Variants in SEC24D observed in about 807,000 individuals in gnomAD.
SEC24D encodes SEC24 homolog D, COPII component.
SEC24D carries 69 observed loss-of-function variants against 116.9 expected under a neutral mutation model. That is an observed-to-expected ratio of 0.59 (90% confidence interval 0.49 to 0.72). SEC24D has a LOEUF of 0.72. Among genes scored for constraint, SEC24D ranks in the 30% least tolerant of loss-of-function variants. SEC24D has a pLI of 0.00. For synonymous variants in SEC24D, 405 were observed against 442.8 expected (o/e 0.91, Z 1.07); for missense variants, 1,131 against 1,264.1 (o/e 0.89, Z 1.60).
At chr4:118,742,280 A>T (rs1726258360) in intron 15 of SEC24D, among the ~76,000 whole-genome samples, 1 of 151,654 alleles carries the variant, frequency 6.6e-6, no homozygotes, top group South Asian at 2.1e-4. Context: ...CATGTAGATG[A>T]TCACACCAGT....
intron 8 of SEC24D, among the ~76,000 whole-genome samples, chr4:118,793,323 C>A (rs1004762995): frequency 6.6e-6 from 1 of 151,366 alleles, no homozygotes; most frequent in Non-Finnish European, 1.5e-5. Context: ...AAAAATTAGC[C>A]GGGCGTAGTG....
In SEC24D at chr4:118,761,057, C is replaced by A. The variant is rs1355845055; in HGVS notation, c.1297-3212G>T. ...AATTTTCGGGGGAATTATCGTACTACCCTCATTTTCTCATAGTTGGACAAC... is the reference window on the plus strand; with the variant it reads ...AATTTTCGGGGGAATTATCGTACTAACCTCATTTTCTCATAGTTGGACAAC... On this transcript the variant is annotated intron_variant, in intron 10 of 22. Coordinates refer to ENST00000280551, the MANE Select transcript of SEC24D (RefSeq NM_014822.4). Among the ~76,000 whole-genome samples the A allele has an allele frequency of 2.6e-5, 4 of 151,982 alleles. No individual in the cohort carries two copies. The East Asian group carries it at 5.8e-4, about 22-fold the overall frequency.
At chr4:118,746,823 A>G (rs1726562294) in intron 13 of SEC24D, among the ~76,000 whole-genome samples, 2 of 152,166 alleles carry the variant, frequency 1.3e-5, no homozygotes, top group African/African-American at 2.4e-5. Context: ...ACAAAGAGAG[A>G]GAATTCAAGG....
chr4:118,754,917 A>G, intron 11 of SEC24D, among the ~76,000 whole-genome samples: 1 of 152,176 alleles, frequency 6.6e-6, no homozygotes, highest in Non-Finnish European at 1.5e-5. Flanking sequence ...GTTAATTTAG[A>G]ATCAACTAAG....
At chr4:118,824,924 T>C (rs535975987) in intron 2 of SEC24D, among the ~76,000 whole-genome samples, 175 bp from the exon 3 acceptor site, 109 of 152,330 alleles carry the variant, frequency 7.2e-4, no homozygotes, top group African/African-American at 2.1e-3. Context: ...GGCTCTGGCA[T>C]GAGTATTTGA....
chr4:118,756,372 T>G (rs1279726943), intron 11 of SEC24D, among the ~76,000 whole-genome samples: 1 of 152,150 alleles, frequency 6.6e-6, no homozygotes, highest in African/African-American at 2.4e-5. Context: ...CATTTTAGAA[T>G]TTAGTTTGAA....
At chr4:118,789,859 C>T (rs1728820236) in intron 8 of SEC24D, among the ~76,000 whole-genome samples, 1 of 152,236 alleles carries the variant, frequency 6.6e-6, no homozygotes, top group African/African-American at 2.4e-5. Flanking sequence ...GCTGGGATTA[C>T]AGGCATGAGC....
chr4:118,735,627 GAT>G (rs1334850138), intron 19 of SEC24D: 2 of 151,028 alleles, frequency 1.3e-5, no homozygotes, highest in Non-Finnish European at 1.5e-5. Context: ...AGAACAGTGA[GAT>G]ATTAGATTTA....
At chr4:118,807,265 G>A (rs1374055341) in intron 6 of SEC24D, among the ~76,000 whole-genome samples, 1 of 152,164 alleles carries the variant, frequency 6.6e-6, no homozygotes, top group Non-Finnish European at 1.5e-5. Context: ...GTCATCTAAT[G>A]TGGAAACATC....
chr4:118,787,363 T>TA (rs1728697817), intron 8 of SEC24D, among the ~76,000 whole-genome samples: 1 of 152,216 alleles, frequency 6.6e-6, no homozygotes. Flanking sequence ...AGTTTTCATT[T>TA]AAAAATAGAT....
chr4:118,768,394 C>T lies in SEC24D; in HGVS notation c.1042-83G>A, dbSNP rs1252660246. The T allele has an allele frequency of 8.4e-4, 487 of 581,234 alleles. 2 individuals carry two copies. The highest frequency in any genetic ancestry group is 5.9e-3 in the South Asian group (244 of 41,480). The allele number at this position is 581,234 out of a possible 1,614,324, so 36.0% of individuals were successfully genotyped here. On this transcript the variant is annotated intron_variant, in intron 8 of 22. Transcript: ENST00000280551. Reference sequence around the variant, plus strand: ...TAATTTGGGAAGTCTTTTAATGGCACTTTTTTTTTTTTTTTTTTGAGACAG... The same window carrying T: ...TAATTTGGGAAGTCTTTTAATGGCATTTTTTTTTTTTTTTTTTTGAGACAG...
At chr4:118,740,843 C>T in intron 16 of SEC24D, 35 bp from the exon 17 acceptor site, 1 of 1,610,892 alleles carries the variant, frequency 6.2e-7, no homozygotes, top group Non-Finnish European at 8.5e-7. Flanking sequence ...TTTTGCTTGT[C>T]TTTATTCTAC....
chr4:118,805,714 A>T, intron 7 of SEC24D, 129 bp downstream of exon 7: 1 of 557,878 alleles, frequency 1.8e-6, no homozygotes, highest in South Asian at 2.7e-5. Context: ...GGATTAACAG[A>T]GAACTGATTA....
intron 11 of SEC24D, 37 bp from the exon 12 acceptor site, chr4:118,752,925 A>G (rs1229764533): frequency 2.1e-6 from 3 of 1,449,960 alleles, no homozygotes; most frequent in Non-Finnish European, 2.8e-6. Context: ...GATGCTTTAT[A>G]AATTTAGATG....
intron 7 of SEC24D, among the ~76,000 whole-genome samples, chr4:118,802,584 A>G (rs1256290192): frequency 6.6e-6 from 1 of 152,214 alleles, no homozygotes; most frequent in African/African-American, 2.4e-5. Context: ...GCTCCATACC[A>G]GGGCAGCTCT....
chr4:118,781,552 G>A (rs1297419438), intron 8 of SEC24D, among the ~76,000 whole-genome samples: 4 of 152,064 alleles, frequency 2.6e-5, no homozygotes, highest in Non-Finnish European at 5.9e-5. Flanking sequence ...TGGTGATTCT[G>A]GCAATTATGT....
At chr4:118,835,730 A>G (rs1466129045) in intron 1 of SEC24D, among the ~76,000 whole-genome samples, 2 of 152,148 alleles carry the variant, frequency 1.3e-5, no homozygotes, top group South Asian at 2.1e-4. Context: ...AAAAATGCCC[A>G]CGCCCACCTC....
At chr4:118,794,361 C>T (rs1578443394) in intron 8 of SEC24D, among the ~76,000 whole-genome samples, 2 of 151,960 alleles carry the variant, frequency 1.3e-5, no homozygotes, top group South Asian at 2.1e-4. Context: ...CATATTTGAC[C>T]CAGGTCAGCT....
intron 8 of SEC24D, among the ~76,000 whole-genome samples, chr4:118,778,662 G>A (rs1459358486): frequency 2.0e-5 from 3 of 152,162 alleles, no homozygotes; most frequent in Non-Finnish European, 4.4e-5. Flanking sequence ...GCTTGACGAG[G>A]ATGGCACTGA....
Sources: allele counts gnomAD v4.1 joint callset (sites outside exome capture counted in the v4.1 genomes callset), GRCh38; gene constraint gnomAD v4.1.1; transcripts MANE v1.5; gene names NCBI Gene and HGNC (gene_info 2026-07-23, HGNC 2026-07-21).